Variants in GNA12 observed in about 807,000 individuals in gnomAD.
The protein encoded by GNA12 is guanine nucleotide-binding protein subunit alpha-12.
A neutral mutation model predicts 26.0 loss-of-function variants in GNA12; 9 were observed. That is an observed-to-expected ratio of 0.35 (90% CI 0.21 to 0.60). The LOEUF (loss-of-function observed/expected upper bound fraction) is 0.60, where lower values mean the gene tolerates loss of function less well. Among genes scored for constraint, GNA12 ranks in the 20% least tolerant of loss-of-function variants. The pLI is 0.78. For missense variants in GNA12, 405 were observed against 525.8 expected (o/e 0.77, Z 2.25); for synonymous variants, 264 against 219.6 (o/e 1.20, Z -1.79).
rs575565968 is a variant in GNA12 at position 2,728,429 on chromosome 7, C to G, written c.*2752G>C. 1.3e-5 allele frequency: 2 copies of G among 152,286 alleles called. No homozygotes were observed. Among genetic ancestry groups the G allele is most frequent in the South Asian group, 2.1e-4 (1 of 4,824 alleles). The allele number at this position is 152,286 out of a possible 1,614,324, so 9.4% of individuals were successfully genotyped here. Reference sequence around the variant, plus strand: ...ATTACAATAAGAATTCTAGAGATCTCTATAAATTACAGACCTATGACTCAA... The same window carrying G: ...ATTACAATAAGAATTCTAGAGATCTGTATAAATTACAGACCTATGACTCAA... On this transcript the variant is annotated 3_prime_UTR_variant, in exon 4 of 4. Transcript: ENST00000275364.
chr7:2,775,696 GC>G (rs1792060131), intron 2 of GNA12, among the ~76,000 whole-genome samples: 1 of 152,182 alleles, frequency 6.6e-6, no homozygotes, highest in Non-Finnish European at 1.5e-5. Flanking sequence ...ATCAAACTCT[GC>G]CTATGAATTA....
chr7:2,808,585 A>C (rs565692652), intron 1 of GNA12, among the ~76,000 whole-genome samples: 43 of 152,242 alleles, frequency 2.8e-4, no homozygotes, highest in Admixed American at 2.7e-3. Flanking sequence ...GCTAGGGGAG[A>C]TGCACCATCC....
At chr7:2,786,787 T>C (rs567798583) in intron 2 of GNA12, among the ~76,000 whole-genome samples, 2 of 152,076 alleles carry the variant, frequency 1.3e-5, no homozygotes, top group South Asian at 4.2e-4. Flanking sequence ...TGCTATAACC[T>C]CTCCCTGCCC....
chr7:2,802,402 G>A (rs6949447), intron 1 of GNA12, among the ~76,000 whole-genome samples: 1,430 of 88,118 alleles, frequency 0.016, 38 homozygotes, highest in African/African-American at 0.059. Flanking sequence ...TTGGGGGGGT[G>A]GGGGGTGGGG....
intron 2 of GNA12, among the ~76,000 whole-genome samples, chr7:2,746,315 C>T (rs905895766): frequency 1.3e-5 from 2 of 152,298 alleles, no homozygotes; most frequent in East Asian, 1.9e-4. Context: ...GAAATTATAA[C>T]AAACTGTCTC....
At chr7:2,749,834 GATT>G (rs1478726523) in intron 2 of GNA12, among the ~76,000 whole-genome samples, 1 of 152,038 alleles carries the variant, frequency 6.6e-6, no homozygotes, top group Non-Finnish European at 1.5e-5. Flanking sequence ...ACTGAAATTA[GATT>G]AATAGAGATG....
At chr7:2,813,982 G>A (rs1361852946) in intron 1 of GNA12, among the ~76,000 whole-genome samples, 5 of 152,154 alleles carry the variant, frequency 3.3e-5, no homozygotes, top group Admixed American at 3.3e-4. Context: ...GGCAGAGGGA[G>A]GAGGAGTTCA....
chr7:2,797,988 T>C (rs1446474464), intron 1 of GNA12, among the ~76,000 whole-genome samples: 2 of 152,124 alleles, frequency 1.3e-5, no homozygotes, highest in Non-Finnish European at 2.9e-5. Flanking sequence ...AACAGAGAAA[T>C]GCTTCAACTT....
intron 2 of GNA12, among the ~76,000 whole-genome samples, chr7:2,737,289 G>GTTTTTTTTTTTTTTTTTTT (rs11389467): frequency 9.6e-5 from 6 of 62,314 alleles, no homozygotes; most frequent in Non-Finnish European, 1.3e-4. Flanking sequence ...TTTTTTTTTT[G>GTTTTTTTTTTTTTTTTTTT]TTTTTTTTTT....
chr7:2,801,866 GA>G (rs1792817008), intron 1 of GNA12, among the ~76,000 whole-genome samples: 1 of 152,136 alleles, frequency 6.6e-6, no homozygotes, highest in South Asian at 2.1e-4. Flanking sequence ...CCTTTTTAGA[GA>G]GAGACGTAAG....
chr7:2,835,888 G>A, intron 1 of GNA12: 1 of 561,670 alleles, frequency 1.8e-6, no homozygotes, highest in Non-Finnish European at 3.4e-6. Context: ...GTTAGAAGCA[G>A]CAAATAAAAA....
At chr7:2,737,337 G>A (rs1005136068) in intron 2 of GNA12, among the ~76,000 whole-genome samples, 14 of 133,400 alleles carry the variant, frequency 1.0e-4, no homozygotes, top group Non-Finnish European at 1.7e-4. Flanking sequence ...CGCCCCGGCT[G>A]GAGTGCAGTG....
chr7:2,804,658 T>C (rs138458862), intron 1 of GNA12, among the ~76,000 whole-genome samples: 1 of 152,204 alleles, frequency 6.6e-6, no homozygotes, highest in Non-Finnish European at 1.5e-5. Flanking sequence ...TGTCACTAGG[T>C]TGGTTTTCAT....
intron 2 of GNA12, among the ~76,000 whole-genome samples, chr7:2,745,233 T>C (rs138810997): frequency 0.024 from 3,672 of 152,094 alleles, 108 homozygotes; most frequent in Middle Eastern, 0.075. Flanking sequence ...TCACCAAAGT[T>C]GAAATGAAGG....
chr7:2,801,555 C>A (rs1792809784), intron 1 of GNA12, among the ~76,000 whole-genome samples: 2 of 152,214 alleles, frequency 1.3e-5, no homozygotes, highest in Admixed American at 1.3e-4. Context: ...AAATGAACTG[C>A]ACCCAACCAC....
chr7:2,824,696 C>T (rs780197008), intron 1 of GNA12, among the ~76,000 whole-genome samples: 8 of 152,148 alleles, frequency 5.3e-5, no homozygotes, highest in Non-Finnish European at 1.2e-4. Context: ...GTGTAGTGCC[C>T]ATCACACACC....
chr7:2,829,618 T>C (rs1335714239), intron 1 of GNA12, among the ~76,000 whole-genome samples: 2 of 152,258 alleles, frequency 1.3e-5, no homozygotes, highest in East Asian at 3.8e-4. Context: ...TTATTATTCT[T>C]ATACAATATA....
intron 1 of GNA12, among the ~76,000 whole-genome samples, chr7:2,839,627 G>A (rs565400707): frequency 1.3e-5 from 2 of 152,286 alleles, no homozygotes; most frequent in South Asian, 4.1e-4. Flanking sequence ...CAAGCAATCT[G>A]CCTGTCTTGG....
chr7:2,837,811 C>G (rs1353451819), intron 1 of GNA12, among the ~76,000 whole-genome samples: 3 of 151,738 alleles, frequency 2.0e-5, no homozygotes, highest in Non-Finnish European at 4.4e-5. Flanking sequence ...GGCTTAGAGC[C>G]TCAGAAAGAA....
Sources: gnomAD v4.1 joint callset for allele counts (sites outside exome capture counted in the v4.1 genomes callset) on GRCh38, gnomAD v4.1.1 for gene constraint, MANE v1.5 for transcripts, NCBI Gene and HGNC (gene_info 2026-07-23, HGNC 2026-07-21) for gene names.